Variants in EPB41L4A observed in about 807,000 individuals in gnomAD.
EPB41L4A encodes the protein erythrocyte membrane protein band 4.1 like 4A, also known as band 4.1-like protein 4A.
EPB41L4A carries 100 observed loss-of-function variants against 108.6 expected under a neutral mutation model. The observed-to-expected ratio is 0.92, with a 90% CI of 0.78 to 1.09. The LOEUF is 1.09. Among genes scored for constraint, EPB41L4A ranks in the 50% least tolerant of loss-of-function variants. The pLI, the probability that EPB41L4A is intolerant of heterozygous loss-of-function variation, is 0.00. For synonymous variants in EPB41L4A, 319 were observed against 289.0 expected, an observed-to-expected ratio of 1.10 and a Z score of -1.05; for missense variants, 1,030 against 842.7, an observed-to-expected ratio of 1.22 and a Z score of -2.75.
At chr5:112,376,205 A>C (rs1759809597) in intron 1 of EPB41L4A, among the ~76,000 whole-genome samples, 1 of 152,256 alleles carries the variant, frequency 6.6e-6, no homozygotes, top group South Asian at 2.1e-4. Flanking sequence ...TTAGAACATC[A>C]GCAAAACACA....
At chr5:112,220,290 A>C (rs1747956719) in intron 12 of EPB41L4A, among the ~76,000 whole-genome samples, 1 of 152,214 alleles carries the variant, frequency 6.6e-6, no homozygotes, top group East Asian at 1.9e-4. Flanking sequence ...TCAAGTGACA[A>C]ATCCGCTGGG....
chr5:112,392,577 C>A (rs1399903683), intron 1 of EPB41L4A: 1 of 152,064 alleles, frequency 6.6e-6, no homozygotes, highest in African/African-American at 2.4e-5. Flanking sequence ...CAGGAGCACC[C>A]AGATTCATAA....
chr5:112,273,988 G>C lies in EPB41L4A; in HGVS notation c.335+1338C>G, dbSNP rs374138063. On this transcript the variant is annotated intron_variant, in intron 4 of 22. Transcript: ENST00000261486. ...ACAATGTGAATGCAGACATCTGCTTGGTTCTAAAAATGAGGTCTACGCTGG... is the reference window on the plus strand; with the variant it reads ...ACAATGTGAATGCAGACATCTGCTTCGTTCTAAAAATGAGGTCTACGCTGG... 2.6e-5 allele frequency among the ~76,000 whole-genome samples: 4 copies of C among 152,160 alleles called. No homozygotes were observed. The East Asian group carries it at 5.8e-4, about 22-fold the overall frequency.
intron 1 of EPB41L4A, among the ~76,000 whole-genome samples, chr5:112,383,372 A>G (rs963190862): frequency 3.9e-5 from 6 of 152,012 alleles, no homozygotes; most frequent in Non-Finnish European, 8.8e-5. Flanking sequence ...AAAATGTGAC[A>G]TTGCAGGATA....
In EPB41L4A at chr5:112,340,392, G is replaced by A. The variant is rs201044749; in HGVS notation, c.100-32902C>T. ...AATGCACGTTTAACAAGATCCCAGA[G>A]GATGCTGATGCTGCAGGTCCAGAGA... On this transcript the variant is annotated intron_variant, in intron 1 of 22. Coordinates refer to ENST00000261486, the MANE Select transcript of EPB41L4A (RefSeq NM_022140.5). Among the ~76,000 whole-genome samples the A allele has an allele frequency of 3.3e-5, 5 of 152,294 alleles. No individual in the cohort carries two copies. The East Asian group carries it at 9.7e-4, about 29-fold the overall frequency.
chr5:112,208,559 G>C (rs2150307975), intron 13 of EPB41L4A, among the ~76,000 whole-genome samples: 1 of 152,192 alleles, frequency 6.6e-6, no homozygotes, highest in Middle Eastern at 3.4e-3. Flanking sequence ...GGGAACAATA[G>C]ACACTGGGGA....
At chr5:112,320,033 G>C (rs1449359466) in intron 1 of EPB41L4A, among the ~76,000 whole-genome samples, 1 of 152,220 alleles carries the variant, frequency 6.6e-6, no homozygotes, top group East Asian at 1.9e-4. Flanking sequence ...AGAGTTGTTT[G>C]TATTATGATT....
At chr5:112,240,671 C>A in intron 10 of EPB41L4A, 48 bp downstream of exon 10, 3 of 1,001,674 alleles carry the variant, frequency 3.0e-6, no homozygotes, top group Non-Finnish European at 3.0e-6. Context: ...AAAATAAATG[C>A]CATTTTCATT....
intron 12 of EPB41L4A, among the ~76,000 whole-genome samples, chr5:112,222,146 T>C (rs1369695787): frequency 6.6e-6 from 1 of 152,204 alleles, no homozygotes; most frequent in African/African-American, 2.4e-5. Flanking sequence ...GTAGGCTGAC[T>C]CTGACTATAA....
chr5:112,285,702 A>G (rs779038908), intron 2 of EPB41L4A, among the ~76,000 whole-genome samples: 7 of 152,318 alleles, frequency 4.6e-5, no homozygotes, highest in East Asian at 3.9e-4. Context: ...GGCTTCTCAT[A>G]AAGTGTCACT....
intron 12 of EPB41L4A, among the ~76,000 whole-genome samples, chr5:112,212,207 C>T (rs1352828560): frequency 1.3e-5 from 2 of 152,034 alleles, no homozygotes; most frequent in Non-Finnish European, 2.9e-5. Context: ...GGTAGAACTC[C>T]ATGTGGTACA....
In EPB41L4A at chr5:112,163,348, A is replaced by G. The variant is rs1218885496; in HGVS notation, c.*1642T>C. 1 of 152,164 alleles carries G rather than the reference A, an allele frequency of 6.6e-6. No homozygotes were observed. The highest frequency in any genetic ancestry group is 2.1e-4 in the South Asian group (1 of 4,832). 9.4% of individuals were successfully genotyped at this position (152,164 alleles called of 1,614,324 possible). ...TTTTAAATTACCTTTGAGAAACCCA[A>G]ATGGTCTTTTTGCAGTAGCACATTA... On this transcript the variant is annotated 3_prime_UTR_variant, in exon 23 of 23. Coordinates refer to ENST00000261486, the MANE Select transcript of EPB41L4A (RefSeq NM_022140.5).
chr5:112,262,685 T>C (rs1174619179), intron 6 of EPB41L4A, 104 bp from the exon 7 acceptor site: 1 of 983,038 alleles, frequency 1.0e-6, no homozygotes, highest in African/African-American at 1.6e-5. Flanking sequence ...AAATAATACT[T>C]TTTACTAATG....
chr5:112,172,362 A>G (rs1321997620), intron 18 of EPB41L4A, among the ~76,000 whole-genome samples: 1 of 152,080 alleles, frequency 6.6e-6, no homozygotes, highest in Non-Finnish European at 1.5e-5. Flanking sequence ...AATACAAAAA[A>G]TTAGCTGGGC....
At chr5:112,210,470 T>C (rs1561478393) in intron 12 of EPB41L4A, among the ~76,000 whole-genome samples, 1 of 152,188 alleles carries the variant, frequency 6.6e-6, no homozygotes, top group African/African-American at 2.4e-5. Flanking sequence ...AATATACATG[T>C]GATCTGTATC....
At chr5:112,171,125 G>C in intron 18 of EPB41L4A, 133 bp from the exon 19 acceptor site, 1 of 745,054 alleles carries the variant, frequency 1.3e-6, no homozygotes, top group Non-Finnish European at 2.2e-6. Flanking sequence ...GACTGGACAG[G>C]GAGAGCCATT....
chr5:112,363,418 C>CA (rs70973635), intron 1 of EPB41L4A: 13,753 of 94,884 alleles, frequency 0.14, 863 homozygotes, highest in Middle Eastern at 0.16. Context: ...CTTGACTCTA[C>CA]AAAAAAAAAA....
intron 12 of EPB41L4A, 66 bp from the exon 13 acceptor site, chr5:112,210,048 G>C: frequency 1.0e-6 from 1 of 981,014 alleles, no homozygotes; most frequent in Admixed American, 2.4e-5. Context: ...GAAAGAAACA[G>C]AAGACTTATT....
At chr5:112,203,285 G>C (rs1762305283) in intron 15 of EPB41L4A, among the ~76,000 whole-genome samples, 1 of 152,022 alleles carries the variant, frequency 6.6e-6, no homozygotes, top group African/African-American at 2.4e-5. Context: ...GAACCCAGGG[G>C]GCAGAGTTTG....
Sources: gnomAD v4.1 joint callset for allele counts (sites outside exome capture counted in the v4.1 genomes callset) on GRCh38, gnomAD v4.1.1 for gene constraint, MANE v1.5 for transcripts, NCBI Gene and HGNC (gene_info 2026-07-23, HGNC 2026-07-21) for gene names.